The following SNX19 variants were observed in gnomAD, a reference collection of about 807,000 sequenced individuals.
SNX19 encodes the protein sorting nexin 19.
Under a neutral mutation model 85.2 loss-of-function variants are expected in SNX19, and 60 were observed. That is an observed-to-expected ratio of 0.70 (90% CI 0.57 to 0.87). SNX19 has a LOEUF of 0.87. Ranked by LOEUF, SNX19 falls within the 40% of genes least tolerant of loss-of-function variation. SNX19 has a pLI of 0.00. For synonymous variants in SNX19, 520 were observed against 470.0 expected (o/e 1.11, Z -1.38); for missense variants, 1,201 against 1,217.8 (o/e 0.99, Z 0.21).
Position 130,910,114 on chromosome 11 carries a change from G to A in SNX19, c.1938C>T (p.Ile646=). Residue 646 remains isoleucine, a synonymous_variant, in exon 4 of 11, where the codon ATC becomes ATT. Transcript: ENST00000265909. ...FLKQLCAIPE[I]ANSEEVQEFL... ...ACTCCTGCACCTCCTCACTGTTAGC[G>A]ATCTCCGGAATGGCACAGAGTTGCT... 6 of 1,614,114 alleles carry A rather than the reference G, an allele frequency of 3.7e-6. No homozygotes were observed. The highest frequency in any genetic ancestry group is 2.2e-5 in the South Asian group (2 of 91,082).
chr11:130,897,247 T>C (rs573212008), intron 8 of SNX19, among the ~76,000 whole-genome samples: 1 of 152,144 alleles, frequency 6.6e-6, no homozygotes, highest in African/African-American at 2.4e-5. Context: ...TCTTCCTCTC[T>C]GGATACTTCC....
At chr11:130,889,425 C>T (rs910734793) in intron 8 of SNX19, among the ~76,000 whole-genome samples, 2 of 151,998 alleles carry the variant, frequency 1.3e-5, no homozygotes, top group Non-Finnish European at 2.9e-5. Context: ...GTTTTGAAGG[C>T]AGAAATCTTA....
At chr11:130,909,969 C>G (rs776127026) in intron 4 of SNX19, 49 bp downstream of exon 4, 5 of 1,607,842 alleles carry the variant, frequency 3.1e-6, no homozygotes, top group Non-Finnish European at 4.2e-6. Context: ...ATGAATCCTC[C>G]CCATTTATAG....
At chr11:130,908,233 C>T in intron 4 of SNX19, 150 bp from the exon 5 acceptor site, 1 of 744,478 alleles carries the variant, frequency 1.3e-6, no homozygotes. Context: ...AGGTCGAATA[C>T]CAGCTAATGA....
Position 130,903,344 on chromosome 11 carries a change from G to A in SNX19, c.2484C>T (p.Leu828=). The change falls in exon 8 of 11, where the codon CTC becomes CTT. Residue 828 remains leucine, a synonymous_variant. Coordinates refer to ENST00000265909, the MANE Select transcript of SNX19 (RefSeq NM_014758.3). ...TELADTALDL[L]LLLLTEQWKW... ...TCCACTGTTCTGTTAGTAGCAAGAGGAGCAGATCCAGGGCTGTGTCAGCTA... is the reference window on the plus strand; with the variant it reads ...TCCACTGTTCTGTTAGTAGCAAGAGAAGCAGATCCAGGGCTGTGTCAGCTA... The A allele has an allele frequency of 3.1e-6, 5 of 1,613,296 alleles. No homozygotes were observed. Among genetic ancestry groups the A allele is most frequent in the South Asian group, 1.1e-5 (1 of 91,034 alleles).
chr11:130,911,780 C>T lies in SNX19; in HGVS notation c.1675-9G>A, dbSNP rs12420822. On this transcript the variant is annotated splice_polypyrimidine_tract_variant and intron_variant, in intron 1 of 10. Transcript: ENST00000265909. ...TCAAGGGCTGTCTCGTACTGTTCAACGAACAAATTGATTGACTCAATCAGC... is the reference window on the plus strand; with the variant it reads ...TCAAGGGCTGTCTCGTACTGTTCAATGAACAAATTGATTGACTCAATCAGC... 0.19 allele frequency: 306,727 copies of T among 1,611,998 alleles called. 30,643 individuals carry two copies. Among genetic ancestry groups the T allele is most frequent in the Middle Eastern group, 0.21 (1,251 of 6,048 alleles).
chr11:130,884,763 C>T lies in SNX19; in HGVS notation c.2574-3957G>A, dbSNP rs556671585. On this transcript the variant is annotated intron_variant, in intron 8 of 10. Coordinates refer to ENST00000265909, the MANE Select transcript of SNX19 (RefSeq NM_014758.3). ...CGCACGCCTGTAGTCTCCAGCTACT[C>T]GGGGAGGCTGAGGCAGGAGACTCGC... 6.0e-5 allele frequency among the ~76,000 whole-genome samples: 9 copies of T among 149,348 alleles called. No individual in the cohort carries two copies. The South Asian group carries it at 8.6e-4, about 14-fold the overall frequency.
At chr11:130,904,453 G>A (rs1351119769) in intron 7 of SNX19, among the ~76,000 whole-genome samples, 1 of 152,072 alleles carries the variant, frequency 6.6e-6, no homozygotes, top group Non-Finnish European at 1.5e-5. Flanking sequence ...TTTCTTTTCT[G>A]TTTGTATTGC....
At chr11:130,911,553 C>A in intron 2 of SNX19, 80 bp downstream of exon 2, 9 of 1,591,214 alleles carry the variant, frequency 5.7e-6, no homozygotes, top group South Asian at 1.1e-5. Context: ...CTCCCCGATC[C>A]CTCCCATAAA....
intron 4 of SNX19, 27 bp downstream of exon 4, chr11:130,909,991 A>G (rs1358837260): frequency 1.2e-6 from 2 of 1,611,352 alleles, no homozygotes; most frequent in Non-Finnish European, 1.7e-6. Context: ...TCAAAACTAA[A>G]GCTGAGCACA....
At chr11:130,882,035 CT>C (rs1304688530) in intron 8 of SNX19, among the ~76,000 whole-genome samples, 1 of 152,118 alleles carries the variant, frequency 6.6e-6, no homozygotes, top group Non-Finnish European at 1.5e-5. Context: ...AAAATTTTCC[CT>C]TTATCTTACT....
intron 10 of SNX19, among the ~76,000 whole-genome samples, chr11:130,879,349 T>A (rs576728353): frequency 6.6e-6 from 1 of 152,178 alleles, no homozygotes; most frequent in Non-Finnish European, 1.5e-5. Context: ...CAGCAGCTCA[T>A]GTGGGGGCCT....
chr11:130,892,421 A>C (rs1482790841), intron 8 of SNX19, among the ~76,000 whole-genome samples: 2 of 152,168 alleles, frequency 1.3e-5, no homozygotes, highest in Non-Finnish European at 2.9e-5. Context: ...CATCAAGATG[A>C]AATAAGAAAA....
At position 130,868,043 on chromosome 11, in the gene SNX19, T is replaced by C. The variant is rs1419618038; in HGVS notation, c.*10379A>G. 1 of 152,230 alleles carries C rather than the reference T, an allele frequency of 6.6e-6. No individual in the cohort carries two copies. The highest frequency in any genetic ancestry group is 1.9e-4 in the East Asian group (1 of 5,196). The allele number at this position is 152,230 out of a possible 1,614,324, so 9.4% of individuals were successfully genotyped here. On this transcript the variant is annotated 3_prime_UTR_variant, in exon 11 of 11. Transcript: ENST00000265909. ...AAATGATTTTTTAAAAAATCTCTTC[T>C]CTGAAATGGCTTCTCTGCCTTCATA...
rs1001895525 is a variant in SNX19 at position 130,869,766 on chromosome 11, T to C, written c.*8656A>G. 3 of 152,170 alleles carry C rather than the reference T, an allele frequency of 2.0e-5. No individual in the cohort carries two copies. The highest frequency in any genetic ancestry group is 4.8e-5 in the African/African-American group (2 of 41,434). 9.4% of individuals were successfully genotyped at this position (152,170 alleles called of 1,614,324 possible). A position where few individuals can be genotyped will look rare whatever the true frequency, so the allele number is the denominator to read the frequency against. ...GCCAACTTTCCTCACAGAATATCAA[T>C]TGTGGAATCAAGTATAGGGAATATC... On this transcript the variant is annotated 3_prime_UTR_variant, in exon 11 of 11. Transcript: ENST00000265909.
intron 2 of SNX19, among the ~76,000 whole-genome samples, chr11:130,910,888 A>G (rs1255902757): frequency 6.6e-6 from 1 of 152,164 alleles, no homozygotes; most frequent in Non-Finnish European, 1.5e-5. Context: ...TTAAGAGTGA[A>G]ATTTTATTAC....
In SNX19 at chr11:130,914,785, G is replaced by C. The variant is rs762612797; in HGVS notation, c.1155C>G (p.Ile385Met). The change falls in exon 1 of 11, where the codon ATC (isoleucine) becomes ATG (methionine). Residue 385 changes from isoleucine (I) to methionine (M), a missense_variant. Ile to Met is a conservative substitution (Grantham distance 10). Transcript: ENST00000265909. ...SPLSELGKET[I>M]MLMTPGSFLS... is the part of the protein sequence containing the mutation. ...GAAAGCTGCCTGGAGTCATGAGCAT[G>C]ATGGTTTCTTTGCCCAGTTCAGACA... is the stretch of plus-strand genomic sequence containing the variant. The C allele has an allele frequency of 1.4e-4, 223 of 1,614,098 alleles. 1 individual carries two copies. Among genetic ancestry groups the C allele is most frequent in the Non-Finnish European group, 1.8e-4 (215 of 1,180,058 alleles).
chr11:130,866,828 T>C lies in SNX19; in HGVS notation c.*11594A>G, dbSNP rs1942783843. Reference sequence around the variant, plus strand: ...TGGTGTGGGGCAGCAGAAATGCCACTGAGCTAGAAGCTGGAAGACCCAGGT... The same window carrying C: ...TGGTGTGGGGCAGCAGAAATGCCACCGAGCTAGAAGCTGGAAGACCCAGGT... On this transcript the variant is annotated 3_prime_UTR_variant, in exon 11 of 11. Transcript: ENST00000265909. 1 of 152,208 alleles carries C rather than the reference T, an allele frequency of 6.6e-6. No individual in the cohort carries two copies. The highest frequency in any genetic ancestry group is 2.1e-4 in the South Asian group (1 of 4,828). 9.4% of individuals were successfully genotyped at this position (152,208 alleles called of 1,614,324 possible). A position where few individuals can be genotyped will look rare whatever the true frequency, so the allele number is the denominator to read the frequency against.
chr11:130,894,846 T>C (rs1944762009), intron 8 of SNX19: 3 of 985,314 alleles, frequency 3.0e-6, no homozygotes, highest in East Asian at 1.1e-4. Context: ...GATCTAGCTG[T>C]TATACCTTCC....
Sources: gnomAD v4.1 joint callset for allele counts (sites outside exome capture counted in the v4.1 genomes callset) on GRCh38, gnomAD v4.1.1 for gene constraint, MANE v1.5 for transcripts, NCBI Gene and HGNC (gene_info 2026-07-23, HGNC 2026-07-21) for gene names.